The following ZC3H3 variants were observed in gnomAD, a reference collection of about 807,000 sequenced individuals.
ZC3H3 encodes the protein zinc finger CCCH-type containing 3, also known as zinc finger CCCH domain-containing protein 3.
In ZC3H3, 36 loss-of-function variants were observed where a neutral mutation model predicts 77.3. That is an observed-to-expected ratio of 0.47 (90% confidence interval 0.36 to 0.61). The LOEUF is 0.61. Among genes scored for constraint, ZC3H3 ranks in the 20% least tolerant of loss-of-function variants. The pLI is 0.00. For missense variants in ZC3H3, 1,331 were observed against 1,312.2 expected (o/e 1.01, Z -0.22); for synonymous variants, 626 against 555.2 (o/e 1.13, Z -1.79).
At chr8:143,510,575 G>A (rs536339757) in intron 3 of ZC3H3, among the ~76,000 whole-genome samples, 1 of 152,360 alleles carries the variant, frequency 6.6e-6, no homozygotes, top group Admixed American at 6.5e-5. Flanking sequence ...GCTGCAGGAA[G>A]GAAGGGTCCC....
intron 3 of ZC3H3, among the ~76,000 whole-genome samples, chr8:143,510,073 T>C (rs1173176565): frequency 6.6e-6 from 1 of 152,214 alleles, no homozygotes; most frequent in Admixed American, 6.5e-5. Context: ...ATCACACTCC[T>C]GCGCAGTGCT....
chr8:143,440,010 C>A, intron 11 of ZC3H3, 31 bp downstream of exon 11: 1 of 1,470,262 alleles, frequency 6.8e-7, no homozygotes. Context: ...GAGGGGGGCC[C>A]TGGGGGCCCG....
chr8:143,458,195 T>C (rs1264421076), intron 9 of ZC3H3, among the ~76,000 whole-genome samples: 1 of 152,178 alleles, frequency 6.6e-6, no homozygotes, highest in Non-Finnish European at 1.5e-5. Context: ...ATTAAATACT[T>C]CAAACAATTA....
In ZC3H3 at chr8:143,538,956, A is replaced by G. The variant is rs1563891510; in HGVS notation, c.411T>C (p.Ser137=). ...VKPPSKSGSA[S]ASGAQRGSLE... ...AAGAGCCCCGCTGGGCCCCTGAGGC[A>G]CTGGCAGAGCCAGACTTTGATGGCG... is the stretch of plus-strand genomic sequence containing the variant. Residue 137 remains serine (S), a synonymous_variant, in exon 2 of 12, where the codon AGT becomes AGC. Transcript: ENST00000262577. 1 of 1,613,018 alleles carries G rather than the reference A, an allele frequency of 6.2e-7. No individual in the cohort carries two copies. The highest frequency in any genetic ancestry group is 8.5e-7 in the Non-Finnish European group (1 of 1,180,028).
At position 143,440,929 on chromosome 8, in the gene ZC3H3, C is replaced by G. The variant is rs1300139416; in HGVS notation, c.2492+7G>C. On this transcript the variant is annotated splice_region_variant and intron_variant, in intron 10 of 11. Transcript: ENST00000262577. ...GCTCACATGCACAGTGCCCACTGCC[C>G]CATCACCTGGGCCCGTGGCTGGCCG... The G allele has an allele frequency of 1.4e-6, 2 of 1,421,756 alleles. No homozygotes were observed. The highest frequency in any genetic ancestry group is 5.6e-5 in the East Asian group (2 of 36,020). 88.1% of individuals were successfully genotyped at this position (1,421,756 alleles called of 1,614,324 possible).
In ZC3H3 at chr8:143,437,883, C is replaced by T. The variant is rs999344414; in HGVS notation, c.*173G>A. The T allele has an allele frequency of 3.0e-5, 26 of 870,534 alleles. No individual in the cohort carries two copies. The highest frequency in any genetic ancestry group is 2.1e-4 in the South Asian group (13 of 63,236). The allele number at this position is 870,534 out of a possible 1,614,324, so 53.9% of individuals were successfully genotyped here. A position where few individuals can be genotyped will look rare whatever the true frequency, so the allele number is the denominator to read the frequency against. ...CTTGGGGGAGGAAGACCAGGCCCTG[C>T]GCACACGCTGGTCATGGAAGGTTGA... On this transcript the variant is annotated 3_prime_UTR_variant, in exon 12 of 12. Coordinates refer to ENST00000262577, the MANE Select transcript of ZC3H3 (RefSeq NM_015117.3).
Position 143,533,675 on chromosome 8 carries a change from C to T in ZC3H3, c.1561+2582G>A, listed in dbSNP as rs1016171678. On this transcript the variant is annotated intron_variant, in intron 3 of 11. Coordinates refer to ENST00000262577, the MANE Select transcript of ZC3H3 (RefSeq NM_015117.3). The surrounding 1 kb of genome is among the most constrained non-coding windows in gnomAD (Gnocchi z 4.0). Reference sequence around the variant, plus strand: ...CCTCTCCTCTCACTCCATGCAGCCGCCACGCTGGTCTTTTTTTTTTTTTTT... The same window carrying T: ...CCTCTCCTCTCACTCCATGCAGCCGTCACGCTGGTCTTTTTTTTTTTTTTT... Among the ~76,000 whole-genome samples, 3 of 150,828 alleles carry T rather than the reference C, an allele frequency of 2.0e-5. No homozygotes were observed. The highest frequency in any genetic ancestry group is 4.4e-5 in the Non-Finnish European group (3 of 67,800).
intron 3 of ZC3H3, among the ~76,000 whole-genome samples, chr8:143,516,945 C>A (rs909489968): frequency 6.6e-6 from 1 of 152,208 alleles, no homozygotes; most frequent in Non-Finnish European, 1.5e-5. Flanking sequence ...GACAAATGAC[C>A]GCTGTCAGCC....
intron 4 of ZC3H3, among the ~76,000 whole-genome samples, chr8:143,487,628 G>A (rs1288514125): frequency 2.7e-5 from 1 of 36,856 alleles, no homozygotes; most frequent in Non-Finnish European, 5.5e-5. Context: ...CCCGCTACAC[G>A]ACCCCACCAC....
At chr8:143,529,643 G>A (rs1822537271) in intron 3 of ZC3H3, among the ~76,000 whole-genome samples, 1 of 152,206 alleles carries the variant, frequency 6.6e-6, no homozygotes, top group African/African-American at 2.4e-5. Context: ...CCAGGGCTCT[G>A]GGGAGGCTGC....
At chr8:143,479,168 C>T (rs571921508) in intron 4 of ZC3H3, among the ~76,000 whole-genome samples, 9 of 152,330 alleles carry the variant, frequency 5.9e-5, no homozygotes, top group East Asian at 3.9e-4. Context: ...GCGGGGGTGA[C>T]GGAGAGCTGT....
intron 4 of ZC3H3, among the ~76,000 whole-genome samples, chr8:143,480,534 T>C (rs1003103264): frequency 6.6e-6 from 1 of 152,246 alleles, no homozygotes; most frequent in African/African-American, 2.4e-5. Flanking sequence ...CCCAGATCAG[T>C]GGCCTCGCAG....
In ZC3H3 at chr8:143,538,243, C is replaced by G; in HGVS notation, c.1124G>C (p.Ser375Thr). 6.2e-7 allele frequency: 1 copy of G among 1,613,032 alleles called. No homozygotes were observed. ...GCTGGAGGCCTTCCACTTGTACTTG[C>G]TGGGGGCAGACCCTGGCTTGGAGGA... ...ATSSKPGSAP[S>T]KYKWKASSPS... Residue 375 changes from serine to threonine, a missense_variant, in exon 2 of 12, where the codon AGC becomes ACC. This residue lies in a region of ZC3H3 where 978 missense variants were observed against 915.5 expected (regional missense o/e 1.07). Transcript: ENST00000262577.
chr8:143,490,991 G>A (rs1218951362), intron 4 of ZC3H3, among the ~76,000 whole-genome samples: 1 of 152,212 alleles, frequency 6.6e-6, no homozygotes, highest in East Asian at 1.9e-4. Flanking sequence ...TATTTAAAAC[G>A]GCGGCACCCA....
At chr8:143,459,968 C>T (rs748470037) in intron 9 of ZC3H3, among the ~76,000 whole-genome samples, 12 of 152,064 alleles carry the variant, frequency 7.9e-5, no homozygotes, top group Admixed American at 3.3e-4. Flanking sequence ...AGCCAGAGGC[C>T]GGGCGTGGTG....
chr8:143,529,701 G>A (rs756221690), intron 3 of ZC3H3, among the ~76,000 whole-genome samples: 11 of 152,192 alleles, frequency 7.2e-5, no homozygotes, highest in Non-Finnish European at 1.2e-4. Context: ...TCCAGAGAGC[G>A]CCGTGTGCCT....
At chr8:143,449,135 A>T (rs1819928791) in intron 9 of ZC3H3, among the ~76,000 whole-genome samples, 1 of 152,182 alleles carries the variant, frequency 6.6e-6, no homozygotes, top group African/African-American at 2.4e-5. Flanking sequence ...CATGCCAGTG[A>T]TGGGAGGGTC....
At chr8:143,445,253 T>C (rs1225267838) in intron 9 of ZC3H3, among the ~76,000 whole-genome samples, 1 of 152,034 alleles carries the variant, frequency 6.6e-6, no homozygotes, top group Non-Finnish European at 1.5e-5. Context: ...TAGTGGCACA[T>C]GCCTGTAATC....
chr8:143,515,800 C>T (rs1288416471), intron 3 of ZC3H3, among the ~76,000 whole-genome samples: 2 of 152,212 alleles, frequency 1.3e-5, no homozygotes, highest in Non-Finnish European at 2.9e-5. Flanking sequence ...AAGGAGCCTT[C>T]GCAGGTGCCT....
Sources: allele counts gnomAD v4.1 joint callset (sites outside exome capture counted in the v4.1 genomes callset), GRCh38; gene constraint gnomAD v4.1.1; regional missense constraint gnomAD v4.1.1; non-coding constraint Gnocchi (gnomAD v3.1); transcripts MANE v1.5; gene names NCBI Gene and HGNC (gene_info 2026-07-23, HGNC 2026-07-21).